Variants in TTC28 observed in about 807,000 individuals in gnomAD.
TTC28 encodes tetratricopeptide repeat protein 28.
A neutral mutation model predicts 198.0 loss-of-function variants in TTC28; 61 were observed. That is an observed-to-expected ratio of 0.31 (90% CI 0.25 to 0.38). The LOEUF is 0.38. Ranked by LOEUF, TTC28 falls within the 10% of genes least tolerant of loss-of-function variation. TTC28 has a pLI of 1.00. For missense variants in TTC28, 2,678 were observed against 3,164.0 expected (o/e 0.85, Z 3.69); for synonymous variants, 1,171 against 1,297.8 (o/e 0.90, Z 2.10).
chr22:28,451,632 A>C (rs1205983194), intron 2 of TTC28, among the ~76,000 whole-genome samples: 1 of 152,222 alleles, frequency 6.6e-6, no homozygotes, highest in Non-Finnish European at 1.5e-5. Flanking sequence ...TAGTTCACTA[A>C]AAGTCACAGT....
chr22:28,176,354 G>GA (rs918285115), intron 5 of TTC28, among the ~76,000 whole-genome samples: 31 of 148,820 alleles, frequency 2.1e-4, no homozygotes, highest in Admixed American at 1.2e-3. Context: ...TGTGGAATCT[G>GA]AAAAAAAAAA....
chr22:28,581,183 T>C (rs1338881474), intron 2 of TTC28, among the ~76,000 whole-genome samples: 1 of 151,998 alleles, frequency 6.6e-6, no homozygotes, highest in African/African-American at 2.4e-5. Context: ...CGAGATCTGG[T>C]TTAAAAATGT....
At chr22:28,084,742 C>T (rs1941502189) in intron 12 of TTC28, among the ~76,000 whole-genome samples, 1 of 151,820 alleles carries the variant, frequency 6.6e-6, no homozygotes, top group South Asian at 2.1e-4. Flanking sequence ...GAACCAATGG[C>T]AAAGAAGTTA....
chr22:28,542,735 T>C (rs1203295931), intron 2 of TTC28, among the ~76,000 whole-genome samples: 1 of 152,132 alleles, frequency 6.6e-6, no homozygotes, highest in Non-Finnish European at 1.5e-5. Flanking sequence ...TTTGAAGTAG[T>C]TGAAAATGAA....
At chr22:28,147,900 G>C (rs773558329) in intron 6 of TTC28, among the ~76,000 whole-genome samples, 4 of 152,146 alleles carry the variant, frequency 2.6e-5, no homozygotes, top group African/African-American at 4.8e-5. Flanking sequence ...TGAATATCTA[G>C]AAAAGTGGAA....
chr22:28,416,083 A>G (rs2047163804), intron 2 of TTC28, among the ~76,000 whole-genome samples: 1 of 152,172 alleles, frequency 6.6e-6, no homozygotes, highest in African/African-American at 2.4e-5. Flanking sequence ...AATTTTCCTA[A>G]AACTTTCCCT....
At chr22:28,016,475 G>C (rs985751015) in intron 13 of TTC28, among the ~76,000 whole-genome samples, 15 of 152,240 alleles carry the variant, frequency 9.9e-5, no homozygotes, top group Non-Finnish European at 1.8e-4. Flanking sequence ...CCAGACAGCA[G>C]ATGGGCAGCA....
intron 2 of TTC28, among the ~76,000 whole-genome samples, chr22:28,318,812 C>CTTTTTTTTTTTTTTTTTTTTTTTTT (rs71316836): frequency 8.2e-5 from 5 of 61,326 alleles, no homozygotes; most frequent in Non-Finnish European, 1.1e-4. Flanking sequence ...GAAGTGTATT[C>CTTTTTTTTTTTTTTTTTTTTTTTTT]TTTTTTTTTT....
intron 2 of TTC28, among the ~76,000 whole-genome samples, chr22:28,576,660 T>C (rs1276028103): frequency 1.3e-5 from 2 of 152,122 alleles, no homozygotes; most frequent in Non-Finnish European, 2.9e-5. Context: ...TTCAATCTTG[T>C]TCCTTGTTAT....
chr22:28,471,089 G>A (rs892487777), intron 2 of TTC28, among the ~76,000 whole-genome samples: 9 of 152,192 alleles, frequency 5.9e-5, no homozygotes, highest in African/African-American at 2.2e-4. Context: ...AATGAAAAAT[G>A]AGCAGGTTCA....
chr22:28,344,288 C>G (rs148581128), intron 2 of TTC28, among the ~76,000 whole-genome samples: 1 of 151,996 alleles, frequency 6.6e-6, no homozygotes, highest in East Asian at 1.9e-4. Context: ...CCAGCAAATT[C>G]AACAAGACTT....
chr22:28,638,201 G>A (rs1378256928), intron 1 of TTC28, among the ~76,000 whole-genome samples: 34 of 151,834 alleles, frequency 2.2e-4, no homozygotes, highest in Admixed American at 2.2e-3. Flanking sequence ...TAGACCAAAT[G>A]GACCCAACAG....
chr22:28,440,462 T>C (rs1447321862), intron 2 of TTC28, among the ~76,000 whole-genome samples: 4 of 152,198 alleles, frequency 2.6e-5, no homozygotes, highest in Admixed American at 1.3e-4. Context: ...CCCAGCTGCA[T>C]GCTCCATTAG....
At chr22:28,623,004 G>A (rs57062250) in intron 2 of TTC28, among the ~76,000 whole-genome samples, 7,453 of 152,034 alleles carry the variant, frequency 0.049, 259 homozygotes, top group African/African-American at 0.093. Context: ...GTATTTTTTA[G>A]TAGAGATGGG....
intron 10 of TTC28, among the ~76,000 whole-genome samples, chr22:28,097,293 G>C (rs936236818): frequency 6.6e-6 from 1 of 152,190 alleles, no homozygotes; most frequent in Non-Finnish European, 1.5e-5. Flanking sequence ...ATTAAATGAA[G>C]CACTACATGT....
chr22:28,157,965 G>T (rs759958590), intron 6 of TTC28, among the ~76,000 whole-genome samples: 2 of 151,832 alleles, frequency 1.3e-5, no homozygotes, highest in Non-Finnish European at 2.9e-5. Context: ...TAAAATGGAA[G>T]AAATCAAATC....
intron 12 of TTC28, among the ~76,000 whole-genome samples, chr22:28,074,825 C>T (rs942962593): frequency 5.9e-5 from 9 of 152,308 alleles, no homozygotes; most frequent in South Asian, 4.2e-4. Flanking sequence ...TGAGGCCAGG[C>T]GCAGTGGCTC....
chr22:28,455,876 T>C (rs1256445631), intron 2 of TTC28, among the ~76,000 whole-genome samples: 1 of 151,940 alleles, frequency 6.6e-6, no homozygotes, highest in Admixed American at 6.6e-5. Flanking sequence ...TAAAGAATGC[T>C]GGACCAAGTA....
At chr22:28,134,859 G>A (rs1445747987) in intron 6 of TTC28, among the ~76,000 whole-genome samples, 1 of 152,096 alleles carries the variant, frequency 6.6e-6, no homozygotes, top group African/African-American at 2.4e-5. Flanking sequence ...TCTTTGCTGA[G>A]ACTATATTTC....
Sources: gnomAD v4.1 joint callset for allele counts (sites outside exome capture counted in the v4.1 genomes callset) on GRCh38, gnomAD v4.1.1 for gene constraint, MANE v1.5 for transcripts, NCBI Gene and HGNC (gene_info 2026-07-23, HGNC 2026-07-21) for gene names.